Variants in COL14A1 observed in about 807,000 individuals in gnomAD.
COL14A1 encodes collagen type XIV alpha 1 chain, also known as collagen alpha-1(XIV) chain.
COL14A1 carries 136 observed loss-of-function variants against 230.3 expected under a neutral mutation model. That is an observed-to-expected ratio of 0.59 (90% CI 0.51 to 0.68). The LOEUF is 0.68. COL14A1 is among the 30% of genes least tolerant of loss of function. The pLI, the probability that COL14A1 is intolerant of heterozygous loss-of-function variation, is 0.00. For synonymous variants in COL14A1, 792 were observed against 784.1 expected (o/e 1.01, Z -0.17); for missense variants, 1,976 against 2,215.8 (o/e 0.89, Z 2.17).
At chr8:120,284,696 G>A (rs1261065861) in intron 32 of COL14A1, among the ~76,000 whole-genome samples, 5 of 152,178 alleles carry the variant, frequency 3.3e-5, no homozygotes, top group Admixed American at 6.6e-5. Context: ...AGGAAAAGCT[G>A]TAGATTGAAA....
intron 46 of COL14A1, among the ~76,000 whole-genome samples, chr8:120,367,964 C>A (rs913068749): frequency 6.6e-6 from 1 of 151,448 alleles, no homozygotes; most frequent in Non-Finnish European, 1.5e-5. Flanking sequence ...AAAGAAGGCA[C>A]ACCGGTCTCA....
chr8:120,328,182 G>A (rs1009717468), intron 40 of COL14A1, among the ~76,000 whole-genome samples: 1 of 152,158 alleles, frequency 6.6e-6, no homozygotes, highest in Non-Finnish European at 1.5e-5. Context: ...TCCAACTTTT[G>A]AGGATATTGT....
At chr8:120,329,474 G>T (rs1466920811) in intron 40 of COL14A1, among the ~76,000 whole-genome samples, 1 of 152,118 alleles carries the variant, frequency 6.6e-6, no homozygotes, top group Non-Finnish European at 1.5e-5. Context: ...AGGCATAGTA[G>T]CACATGCCTA....
intron 40 of COL14A1, among the ~76,000 whole-genome samples, chr8:120,325,131 G>T (rs1023367948): frequency 6.6e-6 from 1 of 152,200 alleles, no homozygotes; most frequent in Non-Finnish European, 1.5e-5. Context: ...AAAGCAAATT[G>T]TGGGTCAGGT....
chr8:120,216,328 T>A (rs1563677282), intron 13 of COL14A1, 23 bp from the exon 14 acceptor site: 1 of 1,585,174 alleles, frequency 6.3e-7, no homozygotes, highest in East Asian at 2.2e-5. Context: ...TTTTAATTAT[T>A]TTCTATTCCA....
intron 45 of COL14A1, among the ~76,000 whole-genome samples, chr8:120,359,376 T>G (rs1297387967): frequency 6.6e-6 from 1 of 152,138 alleles, no homozygotes; most frequent in Non-Finnish European, 1.5e-5. Context: ...CACATTTTAT[T>G]TTAAATTCTG....
chr8:120,260,393 A>G (rs1025095304), intron 23 of COL14A1, among the ~76,000 whole-genome samples: 5 of 152,068 alleles, frequency 3.3e-5, no homozygotes, highest in African/African-American at 1.2e-4. Context: ...AAATTTTTGC[A>G]TTTTACAGTT....
At chr8:120,164,025 T>A (rs2130554587) in intron 4 of COL14A1, among the ~76,000 whole-genome samples, 1 of 152,270 alleles carries the variant, frequency 6.6e-6, no homozygotes, top group South Asian at 2.1e-4. Context: ...AATTTTGTAT[T>A]GTGAATGCAA....
chr8:120,234,225 G>C (rs999469509), intron 19 of COL14A1, among the ~76,000 whole-genome samples: 1 of 152,070 alleles, frequency 6.6e-6, no homozygotes, highest in African/African-American at 2.4e-5. Context: ...GAGATGATGG[G>C]GTTTTCTAAA....
intron 12 of COL14A1, among the ~76,000 whole-genome samples, chr8:120,211,084 C>T (rs997145564): frequency 1.9e-4 from 29 of 152,050 alleles, no homozygotes; most frequent in African/African-American, 6.3e-4. Context: ...TAACTGCTGG[C>T]GGGCATATAG....
At chr8:120,251,087 T>C (rs1818933330) in intron 22 of COL14A1, among the ~76,000 whole-genome samples, 2 of 152,210 alleles carry the variant, frequency 1.3e-5, no homozygotes, top group South Asian at 4.1e-4. Flanking sequence ...GTTTTGCTGC[T>C]TTGTTTTCAC....
chr8:120,285,718 G>A, intron 32 of COL14A1, 143 bp from the exon 33 acceptor site: 2 of 622,986 alleles, frequency 3.2e-6, no homozygotes, highest in South Asian at 2.2e-5. Flanking sequence ...CCTGGGGACT[G>A]TAGAACACTT....
chr8:120,312,295 G>T (rs1299904025), intron 37 of COL14A1, among the ~76,000 whole-genome samples: 2 of 151,904 alleles, frequency 1.3e-5, no homozygotes. Context: ...GCTTCCACAC[G>T]CTCACCTCCC....
chr8:120,315,460 A>T (rs1208580536), intron 38 of COL14A1, 73 bp from the exon 39 acceptor site: 17 of 1,163,954 alleles, frequency 1.5e-5, no homozygotes, highest in Middle Eastern at 1.9e-4. Flanking sequence ...CTATTTAAAT[A>T]ATGAGAGAAG....
Position 120,208,215 on chromosome 8 carries a change from A to G in COL14A1, c.1192-17A>G. The stretch of plus-strand genomic sequence containing the variant: ...AGATATTCCATACTCTCATTACTCA[A>G]ACTGTTCTTTAAACAGGTGGTGGTA... On this transcript the variant is annotated splice_polypyrimidine_tract_variant and intron_variant, in intron 10 of 47. Coordinates refer to ENST00000297848, the MANE Select transcript of COL14A1 (RefSeq NM_021110.4). The G allele has an allele frequency of 6.3e-7, 1 of 1,594,710 alleles. No individual in the cohort carries two copies. Among genetic ancestry groups the G allele is most frequent in the Admixed American group, 1.7e-5 (1 of 59,366 alleles).
intron 13 of COL14A1, among the ~76,000 whole-genome samples, chr8:120,215,240 A>G (rs999615120): frequency 1.3e-5 from 2 of 152,088 alleles, no homozygotes; most frequent in African/African-American, 4.8e-5. Context: ...GTGTGGTGAC[A>G]CACGCCTGTA....
At chr8:120,327,994 C>T (rs1259010538) in intron 40 of COL14A1, among the ~76,000 whole-genome samples, 1 of 151,996 alleles carries the variant, frequency 6.6e-6, no homozygotes, top group Non-Finnish European at 1.5e-5. Context: ...GAACTCCTGA[C>T]CTCAGGTCAT....
At chr8:120,295,111 T>C (rs1220883648) in intron 34 of COL14A1, among the ~76,000 whole-genome samples, 1 of 151,902 alleles carries the variant, frequency 6.6e-6, no homozygotes, top group African/African-American at 2.4e-5. Context: ...AAAATGTTTT[T>C]GCTCTGAGGG....
At chr8:120,176,805 A>G (rs1360023023) in intron 5 of COL14A1, among the ~76,000 whole-genome samples, 1 of 152,200 alleles carries the variant, frequency 6.6e-6, no homozygotes, top group East Asian at 1.9e-4. Context: ...AGTATGCTCT[A>G]TTAGTGCTTC....
Sources: gnomAD v4.1 joint callset for allele counts (sites outside exome capture counted in the v4.1 genomes callset) on GRCh38, gnomAD v4.1.1 for gene constraint, MANE v1.5 for transcripts, NCBI Gene and HGNC (gene_info 2026-07-23, HGNC 2026-07-21) for gene names.